Variants in CDK6 observed in about 807,000 individuals in gnomAD.
The protein encoded by CDK6 is cyclin-dependent kinase 6.
CDK6 carries 6 observed loss-of-function variants against 37.1 expected under a neutral mutation model. That is an observed-to-expected ratio of 0.16 (90% confidence interval 0.09 to 0.32). The LOEUF (loss-of-function observed/expected upper bound fraction) is 0.32. Among genes scored for constraint, CDK6 ranks in the 10% least tolerant of loss-of-function variants. The pLI is 1.00. For synonymous variants in CDK6, 160 were observed against 161.3 expected (o/e 0.99, Z 0.06); for missense variants, 224 against 418.9 (o/e 0.53, Z 4.06).
At chr7:92,778,501 A>T (rs904511851) in intron 2 of CDK6, among the ~76,000 whole-genome samples, 21 of 152,230 alleles carry the variant, frequency 1.4e-4, no homozygotes, top group African/African-American at 4.1e-4. Context: ...CATGGATTTA[A>T]TATGTGGAAA....
In CDK6 at chr7:92,613,272, A is replaced by G. The variant is rs1795601360; in HGVS notation, c.*1868T>C. ...TATCACATTAAGCTGCAAAGAATTCAGTACAACTTAATAATGCATAAACAT... is the reference window on the plus strand; with the variant it reads ...TATCACATTAAGCTGCAAAGAATTCGGTACAACTTAATAATGCATAAACAT... On this transcript the variant is annotated 3_prime_UTR_variant, in exon 8 of 8. Transcript: ENST00000424848. The G allele has an allele frequency of 4.3e-6, 1 of 233,190 alleles. No individual in the cohort carries two copies. Among genetic ancestry groups the G allele is most frequent in the African/African-American group, 2.2e-5 (1 of 45,368 alleles). The allele number at this position is 233,190 out of a possible 1,614,324, so 14.4% of individuals were successfully genotyped here.
chr7:92,769,099 G>C (rs1242380955), intron 3 of CDK6, among the ~76,000 whole-genome samples: 1 of 152,044 alleles, frequency 6.6e-6, no homozygotes, highest in Non-Finnish European at 1.5e-5. Context: ...ACATTTCCCA[G>C]AGGCAAAAAA....
At chr7:92,712,458 C>T (rs1447219153) in intron 4 of CDK6, among the ~76,000 whole-genome samples, 1 of 152,038 alleles carries the variant, frequency 6.6e-6, no homozygotes, top group Non-Finnish European at 1.5e-5. Context: ...AAATTTGATG[C>T]CTTTAAAAAC....
intron 3 of CDK6, among the ~76,000 whole-genome samples, chr7:92,729,829 T>A (rs1798601505): frequency 6.6e-6 from 1 of 152,200 alleles, no homozygotes; most frequent in South Asian, 2.1e-4. Flanking sequence ...CATAGCTCAC[T>A]GCAACCTCTA....
chr7:92,782,778 G>C (rs1459343412), intron 2 of CDK6, among the ~76,000 whole-genome samples: 1 of 152,312 alleles, frequency 6.6e-6, no homozygotes, highest in East Asian at 1.9e-4. Context: ...TATCCAGCTT[G>C]AGTTGGGTTT....
At chr7:92,695,272 A>G (rs1463878208) in intron 4 of CDK6, among the ~76,000 whole-genome samples, 2 of 136,630 alleles carry the variant, frequency 1.5e-5, no homozygotes, top group Non-Finnish European at 1.6e-5. Context: ...ACCCTGAGGT[A>G]AAAAAAAAAA....
In CDK6 at chr7:92,833,702, G is replaced by A; in HGVS notation, c.-367-12C>T. On this transcript the variant is annotated splice_polypyrimidine_tract_variant and intron_variant, in intron 1 of 7. Transcript: ENST00000424848. This position sits in a 1 kb window ranked among gnomAD's most constrained non-coding sequence, Gnocchi z 6.1. ...CAGAATCATTGCACCTAAAGGAGGA[G>A]ACGGGAGGATAAGAAGAAAGTGCAA... 4.6e-6 allele frequency: 2 copies of A among 437,636 alleles called. No individual in the cohort carries two copies. The highest frequency in any genetic ancestry group is 7.9e-6 in the Non-Finnish European group (2 of 251,660). 27.1% of individuals were successfully genotyped at this position (437,636 alleles called of 1,614,324 possible).
intron 4 of CDK6, among the ~76,000 whole-genome samples, chr7:92,673,970 G>A (rs1797148579): frequency 6.6e-6 from 1 of 151,676 alleles, no homozygotes; most frequent in Non-Finnish European, 1.5e-5. Flanking sequence ...AGTAGAGACG[G>A]GGTTTCACCA....
At chr7:92,726,208 GATT>G (rs924839412) in intron 3 of CDK6, among the ~76,000 whole-genome samples, 17 of 152,048 alleles carry the variant, frequency 1.1e-4, no homozygotes, top group South Asian at 8.3e-4. Flanking sequence ...TATTAATGGT[GATT>G]ATTATTTTAT....
chr7:92,823,729 G>A (rs185182883), intron 2 of CDK6, among the ~76,000 whole-genome samples: 33 of 152,132 alleles, frequency 2.2e-4, no homozygotes, highest in African/African-American at 6.7e-4. Flanking sequence ...AGTCTCTTGG[G>A]TTCTTCTAAA....
chr7:92,667,922 A>C (rs2116595776), intron 5 of CDK6, among the ~76,000 whole-genome samples: 1 of 152,294 alleles, frequency 6.6e-6, no homozygotes, highest in Non-Finnish European at 1.5e-5. Flanking sequence ...AAGAAAGAAA[A>C]ATATTTTTAG....
rs1225559489 is a variant in CDK6, at chr7:92,608,402, G to A, written c.*6738C>T. The A allele has an allele frequency of 4.3e-6, 1 of 231,222 alleles. No individual in the cohort carries two copies. The highest frequency in any genetic ancestry group is 8.6e-6 in the Non-Finnish European group (1 of 116,938). The allele number at this position is 231,222 out of a possible 1,614,324, so 14.3% of individuals were successfully genotyped here. ...AAAAGAAACTGGAAGCTAAAGAATTGAGAGCTTTTGCCAACTGAAGACGAA... is the reference window on the plus strand; with the variant it reads ...AAAAGAAACTGGAAGCTAAAGAATTAAGAGCTTTTGCCAACTGAAGACGAA... On this transcript the variant is annotated 3_prime_UTR_variant, in exon 8 of 8. Coordinates refer to ENST00000424848, the MANE Select transcript of CDK6 (RefSeq NM_001145306.2).
At chr7:92,679,856 G>C (rs1797292471) in intron 4 of CDK6, among the ~76,000 whole-genome samples, 1 of 151,810 alleles carries the variant, frequency 6.6e-6, no homozygotes. Context: ...CAGTAGTTGG[G>C]ATTACAGGCG....
chr7:92,781,670 T>C (rs1264568495), intron 2 of CDK6, among the ~76,000 whole-genome samples: 3 of 152,252 alleles, frequency 2.0e-5, no homozygotes, highest in African/African-American at 7.2e-5. Context: ...TGAGGATTTT[T>C]TTCCGGTCAC....
intron 6 of CDK6, among the ~76,000 whole-genome samples, chr7:92,619,192 T>C (rs1280743719): frequency 1.3e-5 from 2 of 152,202 alleles, no homozygotes; most frequent in Non-Finnish European, 2.9e-5. Context: ...ATGTTATTAA[T>C]ACAAGATGCA....
At chr7:92,638,359 C>T (rs997989242) in intron 5 of CDK6, among the ~76,000 whole-genome samples, 1 of 152,206 alleles carries the variant, frequency 6.6e-6, no homozygotes, top group African/African-American at 2.4e-5. Context: ...AATCCCATGT[C>T]CCACAATTGA....
At chr7:92,616,913 G>A (rs1315562218) in intron 7 of CDK6, among the ~76,000 whole-genome samples, 1 of 152,138 alleles carries the variant, frequency 6.6e-6, no homozygotes, top group Non-Finnish European at 1.5e-5. Context: ...AAAAAAAGGT[G>A]TTTAAGTTCT....
chr7:92,833,914 G>C lies in CDK6; in HGVS notation c.-367-224C>G. On this transcript the variant is annotated intron_variant, in intron 1 of 7. Coordinates refer to ENST00000424848, the MANE Select transcript of CDK6 (RefSeq NM_001145306.2). This position sits in a 1 kb window ranked among gnomAD's most constrained non-coding sequence, Gnocchi z 6.1. ...GGCTGAAGCCGTCTTCGCGCGGAGA[G>C]GTTGCAGGGGCCCCTCGGGGATGAG... is the stretch of plus-strand genomic sequence containing the variant. 2.5e-6 allele frequency: 1 copy of C among 398,992 alleles called. No individual in the cohort carries two copies. The highest frequency in any genetic ancestry group is 4.4e-6 in the Non-Finnish European group (1 of 226,386). The allele number at this position is 398,992 out of a possible 1,614,324, so 24.7% of individuals were successfully genotyped here.
chr7:92,624,215 CA>C (rs1795873002), intron 5 of CDK6, among the ~76,000 whole-genome samples: 1 of 152,066 alleles, frequency 6.6e-6, no homozygotes, highest in South Asian at 2.1e-4. Flanking sequence ...TTACTTATTG[CA>C]AGGTGATGGG....
Sources: gnomAD v4.1 joint callset for allele counts (sites outside exome capture counted in the v4.1 genomes callset) on GRCh38, gnomAD v4.1.1 for gene constraint, Gnocchi (gnomAD v3.1) non-coding constraint, MANE v1.5 for transcripts, NCBI Gene and HGNC (gene_info 2026-07-23, HGNC 2026-07-21) for gene names.